ATAD1: variants seen among roughly 807,000 people sequenced by gnomAD.
ATAD1 encodes the protein outer mitochondrial transmembrane helix translocase.
ATAD1 carries 18 observed loss-of-function variants against 42.7 expected under a neutral mutation model. That is an observed-to-expected ratio of 0.42 (90% CI 0.29 to 0.63). The LOEUF (loss-of-function observed/expected upper bound fraction) is 0.63, where lower values mean the gene tolerates loss of function less well. Among genes scored for constraint, ATAD1 ranks in the 20% least tolerant of loss-of-function variants. ATAD1 has a pLI of 0.19. For missense variants in ATAD1, 294 were observed against 440.4 expected, an observed-to-expected ratio of 0.67 and a Z score of 2.98; for synonymous variants, 132 against 143.1, an observed-to-expected ratio of 0.92 and a Z score of 0.55.
At position 87,790,358 on chromosome 10, in the gene ATAD1, T is replaced by C. The variant is rs1856037994; in HGVS notation, c.334A>G (p.Lys112Glu). The C allele has an allele frequency of 6.2e-7, 1 of 1,613,022 alleles. No individual in the cohort carries two copies. The highest frequency in any genetic ancestry group is 1.1e-5 in the South Asian group (1 of 90,982). Residue 112 changes from lysine (K) to glutamate (E), a missense_variant, in exon 4 of 10, where the codon AAA becomes GAA. Around this residue, in one of 3 missense-constraint regions of ATAD1, gnomAD observed 121 missense variants for 187.3 expected, o/e 0.65. Coordinates refer to ENST00000680024, the MANE Select transcript of ATAD1 (RefSeq NM_001321967.2). ...GAATTCTCAAACAAATGTTTCTTTT[T>C]GATAGGTAAGATGACTGTGTCTTTC... ...DLKDTVILPI[K>E]KKHLFENSRL... is the part of the protein sequence containing the mutation.
intron 2 of ATAD1, among the ~76,000 whole-genome samples, chr10:87,801,303 A>T (rs916162552): frequency 1.3e-5 from 2 of 152,164 alleles, no homozygotes; most frequent in African/African-American, 4.8e-5. Context: ...TATTTGACAA[A>T]CTTTCCAAAA....
chr10:87,797,156 A>G (rs1853167), intron 2 of ATAD1, among the ~76,000 whole-genome samples: 63,296 of 151,902 alleles, frequency 0.42, 14,352 homozygotes, highest in African/African-American at 0.6. Flanking sequence ...TACCATTAGC[A>G]CAGTCAGTGA....
intron 4 of ATAD1, among the ~76,000 whole-genome samples, chr10:87,785,068 G>A (rs1003784746): frequency 6.6e-6 from 1 of 152,198 alleles, no homozygotes; most frequent in Non-Finnish European, 1.5e-5. Flanking sequence ...AAAACAGATT[G>A]TGGCAAACAC....
intron 3 of ATAD1, among the ~76,000 whole-genome samples, chr10:87,790,761 T>C (rs1435284325): frequency 6.6e-6 from 1 of 152,164 alleles, no homozygotes; most frequent in East Asian, 1.9e-4. Flanking sequence ...AGACATAATT[T>C]AGCACTGGCT....
upstream of ATAD1, chr10:87,818,622 C>T (rs1422263202): frequency 1.3e-5 from 2 of 152,364 alleles, no homozygotes; most frequent in Admixed American, 6.5e-5. Flanking sequence ...CACGCCGCGG[C>T]TTTGTGTCTG....
At position 87,752,525 on chromosome 10, in the gene ATAD1, G is replaced by T. The variant is rs898680338; in HGVS notation, c.*2162C>A. ...GCCACTGTTGCCCCATTTTACAGAT[G>T]AGAAACTGGGCTCACAGACACACAG... On this transcript the variant is annotated 3_prime_UTR_variant, in exon 10 of 10. Coordinates refer to ENST00000680024, the MANE Select transcript of ATAD1 (RefSeq NM_001321967.2). The T allele has an allele frequency of 6.7e-6, 1 of 148,242 alleles. No homozygotes were observed. Among genetic ancestry groups the T allele is most frequent in the Non-Finnish European group, 1.5e-5 (1 of 66,652 alleles). 9.2% of individuals were successfully genotyped at this position (148,242 alleles called of 1,614,324 possible). A position where few individuals can be genotyped will look rare whatever the true frequency, so the allele number is the denominator to read the frequency against.
chr10:87,796,956 A>G (rs1856421093), intron 2 of ATAD1, among the ~76,000 whole-genome samples: 1 of 152,186 alleles, frequency 6.6e-6, no homozygotes, highest in Admixed American at 6.5e-5. Flanking sequence ...CTGCTTACAT[A>G]GCGATGGACA....
intron 2 of ATAD1, among the ~76,000 whole-genome samples, chr10:87,803,866 C>G (rs773217888): frequency 4.3e-4 from 65 of 152,330 alleles, no homozygotes; most frequent in Non-Finnish European, 6.3e-4. Flanking sequence ...TGATTCCCAG[C>G]TCCTATTGCT....
chr10:87,818,106 A>T, intron 1 of ATAD1, 61 bp downstream of exon 1: 2 of 985,534 alleles, frequency 2.0e-6, no homozygotes, highest in Non-Finnish European at 1.2e-6. Context: ...GACGGTCCTT[A>T]AAGGACCTCA....
Position 87,814,741 on chromosome 10 carries a change from A to C in ATAD1, c.-13-129T>G, listed in dbSNP as rs576863780. On this transcript the variant is annotated intron_variant, in intron 1 of 9. Transcript: ENST00000680024. ...CAAATTAAAATATTACCTACCTTAAAAAAAGTGTTTCATTTTAAGGAGAAA... is the reference window on the plus strand; with the variant it reads ...CAAATTAAAATATTACCTACCTTAACAAAAGTGTTTCATTTTAAGGAGAAA... The C allele has an allele frequency of 1.8e-5, 12 of 662,376 alleles. No individual in the cohort carries two copies. In the African/African-American group the frequency reaches 2.1e-4, roughly 11 times the overall value. The allele number at this position is 662,376 out of a possible 1,614,324, so 41.0% of individuals were successfully genotyped here. A position where few individuals can be genotyped will look rare whatever the true frequency, so the allele number is the denominator to read the frequency against.
At position 87,796,590 on chromosome 10, in the gene ATAD1, CAT is replaced by C. The variant is rs145818711; in HGVS notation, c.163-3837_163-3836del. On this transcript the variant is annotated intron_variant, in intron 2 of 9. Coordinates refer to ENST00000680024, the MANE Select transcript of ATAD1 (RefSeq NM_001321967.2). ...AACTGTTCTCTGACCACTTTGGGCA[CAT>C]GTCTCAGGACCTCCTGCAGCTGTGT... is the stretch of plus-strand genomic sequence containing the variant. Among the ~76,000 whole-genome samples, 690 of 152,264 alleles carry C rather than the reference CAT, an allele frequency of 4.5e-3. 4 individuals are homozygous for C. The highest frequency in any genetic ancestry group is 0.016 in the African/African-American group (663 of 41,520).
intron 8 of ATAD1, 128 bp downstream of exon 8, chr10:87,767,545 T>A: frequency 2.3e-6 from 2 of 876,788 alleles, no homozygotes. Context: ...CCAGTACCAG[T>A]CTGTGGCTGC....
chr10:87,759,354 TA>T (rs1010382900), intron 8 of ATAD1, among the ~76,000 whole-genome samples: 8 of 149,630 alleles, frequency 5.3e-5, no homozygotes, highest in African/African-American at 1.2e-4. Flanking sequence ...TGTACTTAAT[TA>T]AAAAAAAAAT....
chr10:87,805,670 C>T (rs2132023444), intron 2 of ATAD1, among the ~76,000 whole-genome samples: 1 of 152,208 alleles, frequency 6.6e-6, no homozygotes, highest in Admixed American at 6.5e-5. Flanking sequence ...CCCATAACTA[C>T]TGACCCCAAC....
At chr10:87,781,071 A>T (rs967181210) in intron 5 of ATAD1, among the ~76,000 whole-genome samples, 1 of 152,208 alleles carries the variant, frequency 6.6e-6, no homozygotes, top group Non-Finnish European at 1.5e-5. Context: ...TGAAGTTCTA[A>T]GCTGAGGACA....
chr10:87,756,725 G>T, intron 9 of ATAD1, 64 bp downstream of exon 9: 2 of 1,425,290 alleles, frequency 1.4e-6, no homozygotes, highest in East Asian at 2.5e-5. Context: ...CAAAATAAAA[G>T]AAACTAACCT....
chr10:87,764,440 T>C (rs533193527), intron 8 of ATAD1, among the ~76,000 whole-genome samples: 3 of 151,872 alleles, frequency 2.0e-5, no homozygotes, highest in Non-Finnish European at 2.9e-5. Flanking sequence ...CCAGCTTGGG[T>C]GACAAAGCAA....
At chr10:87,770,925 T>C in intron 7 of ATAD1, 27 bp downstream of exon 7, 2 of 1,592,256 alleles carry the variant, frequency 1.3e-6, no homozygotes, top group Non-Finnish European at 1.7e-6. Context: ...TATTTAACTC[T>C]TCATAATATC....
At chr10:87,817,713 C>G in intron 1 of ATAD1, 2 of 984,740 alleles carry the variant, frequency 2.0e-6, no homozygotes, top group South Asian at 9.4e-5. Flanking sequence ...ACATCACCAT[C>G]TTTTGTGAAA....
Sources: allele counts gnomAD v4.1 joint callset (sites outside exome capture counted in the v4.1 genomes callset), GRCh38; gene constraint gnomAD v4.1.1; regional missense constraint gnomAD v4.1.1; transcripts MANE v1.5; gene names NCBI Gene and HGNC (gene_info 2026-07-23, HGNC 2026-07-21).